The following BMPR1A variants were observed in gnomAD, a reference collection of about 807,000 sequenced individuals.
BMPR1A encodes bone morphogenetic protein receptor type 1A.
Under a neutral mutation model 66.0 loss-of-function variants are expected in BMPR1A, and 7 were observed. That is an observed-to-expected ratio of 0.11 (90% CI 0.06 to 0.20). The LOEUF (loss-of-function observed/expected upper bound fraction) is 0.20, where lower values mean the gene tolerates loss of function less well. Ranked by LOEUF, BMPR1A falls within the 10% of genes least tolerant of loss-of-function variation. The pLI, the probability that BMPR1A is intolerant of heterozygous loss-of-function variation, is 1.00. For synonymous variants in BMPR1A, 200 were observed against 229.7 expected, an observed-to-expected ratio of 0.87 and a Z score of 1.17; for missense variants, 408 against 669.1, an observed-to-expected ratio of 0.61 and a Z score of 4.31.
rs573516410 is a variant in BMPR1A, at chr10:86,909,114, A to G, written c.531-3126A>G. On this transcript the variant is annotated intron_variant, in intron 7 of 12. Coordinates refer to ENST00000372037, the MANE Select transcript of BMPR1A (RefSeq NM_004329.3). Reference sequence around the variant, plus strand: ...AGAGTTTATGTAGTCATAATAATGCAAGCACTGAATGTTGAGCTAAACAAA... The same window carrying G: ...AGAGTTTATGTAGTCATAATAATGCGAGCACTGAATGTTGAGCTAAACAAA... Among the ~76,000 whole-genome samples, 31 of 152,266 alleles carry G rather than the reference A, an allele frequency of 2.0e-4. 1 individual carries two copies. In the South Asian group the frequency reaches 6.2e-3, roughly 31 times the overall value.
chr10:86,757,386 C>T (rs1426065823), intron 1 of BMPR1A, among the ~76,000 whole-genome samples: 1 of 152,144 alleles, frequency 6.6e-6, no homozygotes, highest in Admixed American at 6.5e-5. Context: ...CGGGAAGGGG[C>T]CCTGGCCCCC....
chr10:86,900,208 C>T (rs1843290080), intron 7 of BMPR1A, 82 bp downstream of exon 7: 1 of 1,345,464 alleles, frequency 7.4e-7, no homozygotes, highest in African/African-American at 1.4e-5. Flanking sequence ...GTTGCAGAAA[C>T]CATTAACTTG....
chr10:86,790,174 AAAAAAAAAAAAAAAATAT>A lies in BMPR1A; in HGVS notation c.-268+33257_-268+33274del, dbSNP rs1186311807. ...GAGACTCTGTCTCCAAAAAAAAAAA[AAAAAAAAAAAAAAAATAT>A]ATATATATATATATATATATATATA... On this transcript the variant is annotated intron_variant, in intron 1 of 12. Transcript: ENST00000372037. Among the ~76,000 whole-genome samples, 88 of 38,390 alleles carry A rather than the reference AAAAAAAAAAAAAAAATAT, an allele frequency of 2.3e-3. 4 individuals carry two copies. Among genetic ancestry groups the A allele is most frequent in the African/African-American group, 0.012 (87 of 7,148 alleles). 25.2% of individuals were successfully genotyped at this position (38,390 alleles called of 152,430 possible).
intron 1 of BMPR1A, among the ~76,000 whole-genome samples, chr10:86,823,489 T>C (rs1842148622): frequency 2.0e-5 from 3 of 152,230 alleles, no homozygotes; most frequent in South Asian, 4.1e-4. Context: ...CCCATGCTCT[T>C]TCTTATCTTT....
intron 3 of BMPR1A, among the ~76,000 whole-genome samples, chr10:86,879,744 A>G (rs1395020206): frequency 6.6e-6 from 1 of 152,196 alleles, no homozygotes; most frequent in Non-Finnish European, 1.5e-5. Context: ...GTGCCTCTTC[A>G]TGGTCCAGCA....
intron 1 of BMPR1A, among the ~76,000 whole-genome samples, chr10:86,800,365 G>C (rs1240523032): frequency 6.6e-6 from 1 of 152,096 alleles, no homozygotes; most frequent in Non-Finnish European, 1.5e-5. Flanking sequence ...CCTATCAAAA[G>C]AGGGAAACCT....
intron 3 of BMPR1A, among the ~76,000 whole-genome samples, chr10:86,885,602 C>G (rs1843058616): frequency 6.6e-6 from 1 of 152,214 alleles, no homozygotes; most frequent in Non-Finnish European, 1.5e-5. Flanking sequence ...AGACATGCCA[C>G]CTTTTCCCTA....
At chr10:86,817,245 C>T (rs1842047366) in intron 1 of BMPR1A, among the ~76,000 whole-genome samples, 2 of 152,150 alleles carry the variant, frequency 1.3e-5, no homozygotes, top group Admixed American at 1.3e-4. Context: ...GAAATAACAA[C>T]TCTCCCTTCT....
At chr10:86,758,501 T>G (rs1338857695) in intron 1 of BMPR1A, among the ~76,000 whole-genome samples, 1 of 152,230 alleles carries the variant, frequency 6.6e-6, no homozygotes, top group Non-Finnish European at 1.5e-5. Context: ...ACAAATGTTC[T>G]TAAGATTTTT....
intron 1 of BMPR1A, among the ~76,000 whole-genome samples, chr10:86,799,145 C>A (rs1260701471): frequency 6.6e-6 from 1 of 152,040 alleles, no homozygotes; most frequent in African/African-American, 2.4e-5. Context: ...CCTTCAAAAT[C>A]TTTACCTTGC....
intron 1 of BMPR1A, among the ~76,000 whole-genome samples, chr10:86,821,379 T>C (rs1842117993): frequency 6.6e-6 from 1 of 152,256 alleles, no homozygotes; most frequent in Non-Finnish European, 1.5e-5. Flanking sequence ...CAATATTGTC[T>C]GACTGTACTA....
intron 1 of BMPR1A, among the ~76,000 whole-genome samples, chr10:86,835,549 CAAAAAAAAAAAAAAAAAAAAAAAAAAAAA>C (rs55804247): frequency 4.5e-5 from 2 of 44,326 alleles, no homozygotes; most frequent in Admixed American, 3.3e-4. Context: ...GACTCTGTAT[CAAAAAAAAAAAAAAAAAAAAAAAAAAAAA>C]AAAAAAAAAA....
At chr10:86,770,760 A>T (rs1841245100) in intron 1 of BMPR1A, among the ~76,000 whole-genome samples, 1 of 152,270 alleles carries the variant, frequency 6.6e-6, no homozygotes, top group Non-Finnish European at 1.5e-5. Flanking sequence ...CAAAAGCTAT[A>T]GGAACTTTTC....
chr10:86,849,959 C>T (rs1002002618), intron 2 of BMPR1A, among the ~76,000 whole-genome samples: 6 of 152,082 alleles, frequency 3.9e-5, no homozygotes, highest in Non-Finnish European at 5.9e-5. Flanking sequence ...GTAAATACTA[C>T]GAAGCATCCA....
intron 2 of BMPR1A, among the ~76,000 whole-genome samples, chr10:86,860,664 G>A (rs977643237): frequency 1.3e-5 from 2 of 151,436 alleles, no homozygotes; most frequent in African/African-American, 4.9e-5. Context: ...CAGCTACTCG[G>A]GAGGCTGAGG....
chr10:86,924,171 A>G lies in BMPR1A; in HGVS notation c.*452A>G, dbSNP rs1415845205. 2 of 328,702 alleles carry G rather than the reference A, an allele frequency of 6.1e-6. No individual in the cohort carries two copies. Among genetic ancestry groups the G allele is most frequent in the African/African-American group, 2.1e-5 (1 of 48,140 alleles). The allele number at this position is 328,702 out of a possible 1,614,324, so 20.4% of individuals were successfully genotyped here. On this transcript the variant is annotated 3_prime_UTR_variant, in exon 13 of 13. Transcript: ENST00000372037. ...GTATTCTACCTTTGTAAAACAGCCT[A>G]TAGATGATGATGTGTTTGGGATACT...
intron 7 of BMPR1A, among the ~76,000 whole-genome samples, chr10:86,907,670 G>A (rs1039835349): frequency 6.6e-6 from 1 of 152,134 alleles, no homozygotes; most frequent in African/African-American, 2.4e-5. Context: ...TTTCAGCAAC[G>A]TGAATGGAAC....
rs572967268 is a variant in BMPR1A, at chr10:86,855,287, C to G, written c.-153+16308C>G. 9 of 1,069,304 alleles carry G rather than the reference C, an allele frequency of 8.4e-6. No individual in the cohort carries two copies. In the Admixed American group the frequency reaches 2.3e-4, roughly 27 times the overall value. The allele number at this position is 1,069,304 out of a possible 1,614,324, so 66.2% of individuals were successfully genotyped here. ...GGCCATACAAAAACCTCAGTTTCTT[C>G]TGTCTTCCACCCAATCAAAGTCTCC... On this transcript the variant is annotated intron_variant, in intron 2 of 12. Coordinates refer to ENST00000372037, the MANE Select transcript of BMPR1A (RefSeq NM_004329.3).
chr10:86,869,236 C>T (rs1447093078), intron 2 of BMPR1A, among the ~76,000 whole-genome samples: 1 of 152,080 alleles, frequency 6.6e-6, no homozygotes, highest in Non-Finnish European at 1.5e-5. Context: ...GTGGACAGAT[C>T]GCCTGAGGTC....
Sources: gnomAD v4.1 joint callset for allele counts (sites outside exome capture counted in the v4.1 genomes callset) on GRCh38, gnomAD v4.1.1 for gene constraint, MANE v1.5 for transcripts, NCBI Gene and HGNC (gene_info 2026-07-23, HGNC 2026-07-21) for gene names.